FOXN3: variants seen among roughly 807,000 people sequenced by gnomAD.
FOXN3 encodes the protein forkhead box N3.
A neutral mutation model predicts 38.4 loss-of-function variants in FOXN3; 7 were observed. That is an observed-to-expected ratio of 0.18 (90% confidence interval 0.10 to 0.34). The LOEUF (loss-of-function observed/expected upper bound fraction) is 0.34, where lower values mean the gene tolerates loss of function less well. FOXN3 is among the 10% of genes least tolerant of loss of function. The probability of loss-of-function intolerance (pLI) is 1.00; values close to 1 mark genes in which losing one functional copy is unlikely to be tolerated. For synonymous variants in FOXN3, 230 were observed against 242.2 expected (o/e 0.95, Z 0.47); for missense variants, 456 against 613.4 (o/e 0.74, Z 2.71).
chr14:89,601,307 G>T (rs1407573212), intron 1 of FOXN3, among the ~76,000 whole-genome samples: 1 of 152,150 alleles, frequency 6.6e-6, no homozygotes, highest in Non-Finnish European at 1.5e-5. Context: ...CAAAACACAG[G>T]CTTTATCAGC....
At chr14:89,177,656 T>G (rs1259527870) in intron 5 of FOXN3, among the ~76,000 whole-genome samples, 1 of 151,940 alleles carries the variant, frequency 6.6e-6, no homozygotes, top group Non-Finnish European at 1.5e-5. Context: ...AAGATAGAAC[T>G]GGCTCCTGCC....
chr14:89,280,868 T>C, intron 4 of FOXN3, 82 bp downstream of exon 4: 1 of 1,245,158 alleles, frequency 8.0e-7, no homozygotes, highest in Non-Finnish European at 1.2e-6. Context: ...AGAACTGTCC[T>C]ATTTGACACC....
At position 89,378,695 on chromosome 14, in the gene FOXN3, C is replaced by T. The variant is rs1868874221; in HGVS notation, c.544-27887G>A. 4.8e-5 allele frequency among the ~76,000 whole-genome samples: 7 copies of T among 145,120 alleles called. No individual in the cohort carries two copies. The South Asian group carries it at 1.6e-3, about 33-fold the overall frequency. On this transcript the variant is annotated intron_variant, in intron 2 of 5. Coordinates refer to ENST00000557258, the MANE Select transcript of FOXN3 (RefSeq NM_005197.4). ...CAGGGAAAATGAGGTCACATTGAAT[C>T]TCTTTTTGCACTTTTTTTTTTTTTT... is the stretch of plus-strand genomic sequence containing the variant.
At chr14:89,460,295 T>C (rs1450670450) in intron 1 of FOXN3, among the ~76,000 whole-genome samples, 1 of 152,132 alleles carries the variant, frequency 6.6e-6, no homozygotes, top group Non-Finnish European at 1.5e-5. Flanking sequence ...GAACATTCCT[T>C]TTCTGGCGCA....
Position 89,158,386 on chromosome 14 carries a change from T to C in FOXN3, c.*4028A>G, listed in dbSNP as rs1161650320. The C allele has an allele frequency of 2.0e-5, 3 of 152,442 alleles. No homozygotes were observed. Among genetic ancestry groups the C allele is most frequent in the Non-Finnish European group, 2.9e-5 (2 of 68,048 alleles). 9.4% of individuals were successfully genotyped at this position (152,442 alleles called of 1,614,324 possible). On this transcript the variant is annotated 3_prime_UTR_variant, in exon 6 of 6. Coordinates refer to ENST00000557258, the MANE Select transcript of FOXN3 (RefSeq NM_005197.4). ...GCCAGCAAGCACTAGACACATTGAA[T>C]GCCTCTGCAAAACAAAAGAAAACTC...
At chr14:89,465,269 TGCCAGG>T in intron 1 of FOXN3, among the ~76,000 whole-genome samples, 1 of 152,028 alleles carries the variant, frequency 6.6e-6, no homozygotes, top group Non-Finnish European at 1.5e-5. Context: ...CTTGCTCTGT[TGCCAGG>T]CTGGAGTGCA....
intron 1 of FOXN3, among the ~76,000 whole-genome samples, chr14:89,423,062 A>C (rs1891948806): frequency 6.6e-6 from 1 of 152,204 alleles, no homozygotes; most frequent in African/African-American, 2.4e-5. Flanking sequence ...CTCTATACCC[A>C]GTGAAGAGTG....
intron 1 of FOXN3, among the ~76,000 whole-genome samples, chr14:89,464,757 G>C (rs973994616): frequency 6.6e-6 from 1 of 152,024 alleles, no homozygotes; most frequent in Non-Finnish European, 1.5e-5. Context: ...GGGTACAATG[G>C]CACGATCTCA....
At position 89,380,437 on chromosome 14, in the gene FOXN3, G is replaced by A. The variant is rs185621675; in HGVS notation, c.544-29629C>T. On this transcript the variant is annotated intron_variant, in intron 2 of 5. Transcript: ENST00000557258. ...GTCCTATTTCACAGGGATACCAAAG[G>A]ACTTTAGTCAAGCCTAAACTCCTCA... Among the ~76,000 whole-genome samples, 75 of 152,284 alleles carry A rather than the reference G, an allele frequency of 4.9e-4. 1 individual carries two copies. The East Asian group carries it at 0.013, about 27-fold the overall frequency.
chr14:89,169,310 G>A (rs1887325978), intron 5 of FOXN3, among the ~76,000 whole-genome samples: 1 of 152,076 alleles, frequency 6.6e-6, no homozygotes, highest in South Asian at 2.1e-4. Context: ...ACATGGTGGT[G>A]CATGCCTGTA....
chr14:89,520,083 G>A (rs1251349081), intron 1 of FOXN3, among the ~76,000 whole-genome samples: 8 of 146,534 alleles, frequency 5.5e-5, no homozygotes, highest in East Asian at 2.0e-4. Context: ...GCACGAGCGC[G>A]GATCACTGCA....
At chr14:89,238,233 G>A (rs370929377) in intron 4 of FOXN3, among the ~76,000 whole-genome samples, 21 of 152,148 alleles carry the variant, frequency 1.4e-4, no homozygotes, top group African/African-American at 4.6e-4. Context: ...GAGGCACTGC[G>A]GCTTCAGGCA....
intron 1 of FOXN3, among the ~76,000 whole-genome samples, chr14:89,508,751 G>A (rs548880138): frequency 1.3e-5 from 2 of 152,228 alleles, no homozygotes; most frequent in South Asian, 4.1e-4. Context: ...TGCAGGTTTC[G>A]ATCCAGCAGG....
At chr14:89,310,062 C>A (rs1308139142) in intron 3 of FOXN3, among the ~76,000 whole-genome samples, 1 of 152,238 alleles carries the variant, frequency 6.6e-6, no homozygotes, top group Non-Finnish European at 1.5e-5. Flanking sequence ...AGCACCCATT[C>A]CCTCCAGCAA....
intron 1 of FOXN3, among the ~76,000 whole-genome samples, chr14:89,544,441 C>T (rs1473148796): frequency 6.6e-6 from 1 of 151,982 alleles, no homozygotes; most frequent in East Asian, 1.9e-4. Flanking sequence ...TAGAATTTAG[C>T]CACAATTATT....
chr14:89,218,051 CTT>C (rs1209349204), intron 4 of FOXN3, among the ~76,000 whole-genome samples: 1 of 152,228 alleles, frequency 6.6e-6, no homozygotes, highest in Non-Finnish European at 1.5e-5. Context: ...AACACATACT[CTT>C]TTAGCAAAAC....
intron 1 of FOXN3, among the ~76,000 whole-genome samples, chr14:89,578,679 C>T (rs1276172227): frequency 6.6e-6 from 1 of 152,150 alleles, no homozygotes; most frequent in African/African-American, 2.4e-5. Context: ...CCTTCTAATC[C>T]GTCAGCAAGC....
At chr14:89,262,721 A>T (rs1488169550) in intron 4 of FOXN3, among the ~76,000 whole-genome samples, 2 of 150,156 alleles carry the variant, frequency 1.3e-5, no homozygotes, top group Non-Finnish European at 3.0e-5. Context: ...TCGGAGTATT[A>T]ATATTAAAAT....
chr14:89,219,731 A>G (rs1313178056), intron 4 of FOXN3, among the ~76,000 whole-genome samples: 1 of 152,216 alleles, frequency 6.6e-6, no homozygotes, highest in Admixed American at 6.5e-5. Context: ...GATACACGCA[A>G]AGCCCTTAGA....
Sources: gnomAD v4.1 joint callset for allele counts (sites outside exome capture counted in the v4.1 genomes callset) on GRCh38, gnomAD v4.1.1 for gene constraint, MANE v1.5 for transcripts, NCBI Gene and HGNC (gene_info 2026-07-23, HGNC 2026-07-21) for gene names.